GSK3B: variants seen among roughly 807,000 people sequenced by gnomAD.
GSK3B encodes the protein glycogen synthase kinase-3 beta.
GSK3B carries 15 observed loss-of-function variants against 56.4 expected under a neutral mutation model. That is an observed-to-expected ratio of 0.27 (90% CI 0.18 to 0.41). GSK3B has a LOEUF of 0.41. Ranked by LOEUF, GSK3B falls within the 10% of genes least tolerant of loss-of-function variation. The pLI, the probability that GSK3B is intolerant of heterozygous loss-of-function variation, is 1.00. For missense variants in GSK3B, 300 were observed against 513.4 expected (o/e 0.58, Z 4.02); for synonymous variants, 181 against 188.9 (o/e 0.96, Z 0.34).
rs116367149 is a variant in GSK3B at position 119,882,114 on chromosome 3, A to G, written c.814-5606T>C. ...TAATACAGTTACAATGTATAATGTA[A>G]AAGTCAGGATGTTCCCTGAAATGAA... On this transcript the variant is annotated intron_variant, in intron 7 of 10. Coordinates refer to ENST00000264235, the MANE Select transcript of GSK3B (RefSeq NM_001146156.2). Among the ~76,000 whole-genome samples the G allele has an allele frequency of 5.0e-3, 761 of 152,184 alleles. 7 individuals carry two copies. Among genetic ancestry groups the G allele is most frequent in the African/African-American group, 0.018 (740 of 41,532 alleles).
At chr3:119,833,910 C>G (rs545166351) in intron 10 of GSK3B, among the ~76,000 whole-genome samples, 1 of 151,872 alleles carries the variant, frequency 6.6e-6, no homozygotes, top group South Asian at 2.1e-4. Context: ...GTTGGCCAGG[C>G]TGGTCTCGAA....
intron 1 of GSK3B, among the ~76,000 whole-genome samples, chr3:120,047,246 A>C (rs1290926146): frequency 6.6e-6 from 1 of 152,220 alleles, no homozygotes; most frequent in East Asian, 1.9e-4. Flanking sequence ...CAAGATCAAG[A>C]GCATTTAGTC....
intron 4 of GSK3B, 120 bp from the exon 5 acceptor site, chr3:119,916,294 GCACT>G: frequency 1.4e-6 from 1 of 732,668 alleles, no homozygotes; most frequent in Non-Finnish European, 2.2e-6. Context: ...TGGATTACTG[GCACT>G]CAATCTTCCT....
At chr3:120,087,077 A>G (rs1278440122) in intron 1 of GSK3B, among the ~76,000 whole-genome samples, 1 of 152,212 alleles carries the variant, frequency 6.6e-6, no homozygotes, top group Non-Finnish European at 1.5e-5. Context: ...AAACTAACCT[A>G]TGAGCAAAGT....
At chr3:119,958,403 G>A (rs1429159584) in intron 2 of GSK3B, among the ~76,000 whole-genome samples, 3 of 151,536 alleles carry the variant, frequency 2.0e-5, no homozygotes, top group African/African-American at 7.3e-5. Flanking sequence ...GTGGGTGGGT[G>A]TGGCAGCTCA....
At chr3:119,933,452 G>A (rs1048998419) in intron 3 of GSK3B, among the ~76,000 whole-genome samples, 1 of 152,130 alleles carries the variant, frequency 6.6e-6, no homozygotes, top group African/African-American at 2.4e-5. Context: ...GTGTGTACAC[G>A]CTCGTGCATG....
chr3:120,047,432 C>T (rs2058113042), intron 1 of GSK3B, among the ~76,000 whole-genome samples: 1 of 152,150 alleles, frequency 6.6e-6, no homozygotes, highest in African/African-American at 2.4e-5. Context: ...CAAAGACGAA[C>T]ACACACTAAA....
At chr3:119,887,993 T>A (rs948287560) in intron 7 of GSK3B, among the ~76,000 whole-genome samples, 7 of 152,088 alleles carry the variant, frequency 4.6e-5, no homozygotes, top group African/African-American at 1.7e-4. Context: ...GAAACCAATT[T>A]CTGCATCAAG....
chr3:119,911,365 G>A (rs1335103669), intron 6 of GSK3B, among the ~76,000 whole-genome samples: 8 of 152,152 alleles, frequency 5.3e-5, no homozygotes, highest in Non-Finnish European at 1.0e-4. Flanking sequence ...CATTTATGCA[G>A]CACAGGCAGA....
At chr3:119,912,651 A>G in intron 6 of GSK3B, 53 bp downstream of exon 6, 2 of 800,774 alleles carry the variant, frequency 2.5e-6, no homozygotes, top group Non-Finnish European at 2.1e-6. Flanking sequence ...CTAAATTACC[A>G]AAATCAAGAA....
At chr3:119,934,421 C>G (rs887324207) in intron 3 of GSK3B, among the ~76,000 whole-genome samples, 5 of 152,198 alleles carry the variant, frequency 3.3e-5, no homozygotes, top group Admixed American at 2.6e-4. Context: ...TACAAAACAT[C>G]TGACCAGTAC....
At position 119,917,018 on chromosome 3, in the gene GSK3B, C is replaced by T. The variant is rs990871389; in HGVS notation, c.478-844G>A. Among the ~76,000 whole-genome samples, 9 of 152,204 alleles carry T rather than the reference C, an allele frequency of 5.9e-5. No homozygotes were observed. In the South Asian group the frequency reaches 1.0e-3, roughly 18 times the overall value. Reference sequence around the variant, plus strand: ...TTCTGTTTATCTCAAGGTCAGTGTTCTGATTCACTTTTAAACTTTTCTGGC... The same window carrying T: ...TTCTGTTTATCTCAAGGTCAGTGTTTTGATTCACTTTTAAACTTTTCTGGC... On this transcript the variant is annotated intron_variant, in intron 4 of 10. Transcript: ENST00000264235.
At chr3:120,045,656 T>G (rs1252511876) in intron 1 of GSK3B, among the ~76,000 whole-genome samples, 1 of 152,216 alleles carries the variant, frequency 6.6e-6, no homozygotes, top group Admixed American at 6.5e-5. Flanking sequence ...CATTGCTCCA[T>G]CCACGAGACA....
chr3:119,911,951 A>C (rs144670017), intron 6 of GSK3B, among the ~76,000 whole-genome samples: 130 of 152,264 alleles, frequency 8.5e-4, no homozygotes, highest in African/African-American at 2.9e-3. Context: ...TCACTTTCTT[A>C]TCATTCATCT....
At chr3:119,933,626 C>T (rs1340884909) in intron 3 of GSK3B, among the ~76,000 whole-genome samples, 8 of 152,168 alleles carry the variant, frequency 5.3e-5, no homozygotes, top group Non-Finnish European at 1.5e-5. Flanking sequence ...CCTGTAATCC[C>T]AGCACTTTGG....
rs140800914 is a variant in GSK3B at position 119,986,558 on chromosome 3, T to C, written c.282+15488A>G. Among the ~76,000 whole-genome samples the C allele has an allele frequency of 4.7e-3, 707 of 151,288 alleles. 1 individual carries two copies. Among genetic ancestry groups the C allele is most frequent in the African/African-American group, 0.015 (617 of 41,312 alleles). ...GAAACTTGTCAAAAGAAGACATCTA[T>C]GCAGCCAACAGACACACGAAAAAAT... On this transcript the variant is annotated intron_variant, in intron 2 of 10. Transcript: ENST00000264235.
intron 1 of GSK3B, among the ~76,000 whole-genome samples, chr3:120,077,817 T>C (rs1026265356): frequency 6.6e-6 from 1 of 151,910 alleles, no homozygotes; most frequent in Admixed American, 6.5e-5. Context: ...TACAATGACA[T>C]GGTAAGTACT....
intron 9 of GSK3B, among the ~76,000 whole-genome samples, chr3:119,845,139 C>G (rs971251666): frequency 3.3e-5 from 5 of 152,144 alleles, no homozygotes; most frequent in Non-Finnish European, 7.3e-5. Context: ...ACTCAATAAA[C>G]TAGGTATTGA....
chr3:119,862,667 G>GTTTTTTTT (rs79778347), intron 9 of GSK3B, among the ~76,000 whole-genome samples: 1 of 110,390 alleles, frequency 9.1e-6, no homozygotes, highest in Non-Finnish European at 1.9e-5. Context: ...ACTATTTCTT[G>GTTTTTTTT]TTTTTTTTTT....
Sources: gnomAD v4.1 joint callset for allele counts (sites outside exome capture counted in the v4.1 genomes callset) on GRCh38, gnomAD v4.1.1 for gene constraint, MANE v1.5 for transcripts, NCBI Gene and HGNC (gene_info 2026-07-23, HGNC 2026-07-21) for gene names.